Variants in CADM2 observed in about 807,000 individuals in gnomAD.
CADM2 encodes cell adhesion molecule 2.
CADM2 carries 12 observed loss-of-function variants against 49.8 expected under a neutral mutation model. The ratio of observed to expected loss-of-function variants is 0.24; its 90% CI spans 0.15 to 0.39. The LOEUF is 0.39. CADM2 is among the 10% of genes least tolerant of loss of function. The pLI, the probability that CADM2 is intolerant of heterozygous loss-of-function variation, is 1.00. For missense variants in CADM2, 378 were observed against 492.3 expected, an observed-to-expected ratio of 0.77 and a Z score of 2.20; for synonymous variants, 214 against 175.4, an observed-to-expected ratio of 1.22 and a Z score of -1.74.
At chr3:85,303,142 T>C (rs1465903743) in intron 1 of CADM2, among the ~76,000 whole-genome samples, 1 of 151,978 alleles carries the variant, frequency 6.6e-6, no homozygotes, top group Non-Finnish European at 1.5e-5. Context: ...GTAGTATTAA[T>C]TGTGTGCTGC....
chr3:85,262,487 C>A (rs982656304), intron 1 of CADM2, among the ~76,000 whole-genome samples: 2 of 151,934 alleles, frequency 1.3e-5, no homozygotes, highest in African/African-American at 2.4e-5. Flanking sequence ...TTGATTATAT[C>A]TTCTTGAAAA....
intron 1 of CADM2, among the ~76,000 whole-genome samples, chr3:85,385,302 T>C (rs1298963088): frequency 1.3e-5 from 2 of 152,106 alleles, no homozygotes; most frequent in Non-Finnish European, 1.5e-5. Flanking sequence ...GAAACAATGA[T>C]ATGCTGAATT....
chr3:85,210,487 T>A (rs2107766553), intron 1 of CADM2, among the ~76,000 whole-genome samples: 1 of 152,248 alleles, frequency 6.6e-6, no homozygotes, highest in East Asian at 1.9e-4. Flanking sequence ...TGGTATGTAC[T>A]GGCCTTGTTG....
intron 1 of CADM2, among the ~76,000 whole-genome samples, chr3:85,422,403 G>T (rs1219614767): frequency 6.6e-6 from 1 of 151,864 alleles, no homozygotes; most frequent in Non-Finnish European, 1.5e-5. Flanking sequence ...TCAGCTTCCC[G>T]AGTAGCTGGG....
chr3:85,578,016 C>CTTCCTTCCTTCCTTCCTTCCTTCCTTCA, intron 1 of CADM2, among the ~76,000 whole-genome samples: 1 of 150,288 alleles, frequency 6.7e-6, no homozygotes, highest in East Asian at 1.9e-4. Context: ...TCCTTCCTTC[C>CTTCCTTCCTTCCTTCCTTCCTTCCTTCA]TTCCTTCCTT....
At chr3:85,067,309 G>C (rs62250627) in intron 1 of CADM2, among the ~76,000 whole-genome samples, 1 of 151,756 alleles carries the variant, frequency 6.6e-6, no homozygotes, top group Non-Finnish European at 1.5e-5. Flanking sequence ...GTGTGTGTGT[G>C]GTTTTGTTAT....
intron 2 of CADM2, among the ~76,000 whole-genome samples, chr3:85,764,195 T>C (rs951497680): frequency 6.6e-6 from 1 of 152,090 alleles, no homozygotes; most frequent in Admixed American, 6.6e-5. Context: ...ATTTTATAAA[T>C]ATAAAACATT....
chr3:85,523,678 G>A (rs1225836066), intron 1 of CADM2, among the ~76,000 whole-genome samples: 2 of 151,792 alleles, frequency 1.3e-5, no homozygotes, highest in East Asian at 1.9e-4. Context: ...TCATTATATA[G>A]GAAACTGATT....
chr3:85,039,103 G>T (rs531631273), intron 1 of CADM2, among the ~76,000 whole-genome samples: 35 of 152,288 alleles, frequency 2.3e-4, no homozygotes, highest in Admixed American at 5.9e-4. Flanking sequence ...CTCGGTTCAA[G>T]CGATTCTCCT....
chr3:85,504,416 G>T (rs1029567474), intron 1 of CADM2, among the ~76,000 whole-genome samples: 2 of 152,320 alleles, frequency 1.3e-5, no homozygotes, highest in South Asian at 4.1e-4. Flanking sequence ...CCACACTGCG[G>T]AAGGGGACCG....
chr3:85,245,335 A>AC (rs570817532), intron 1 of CADM2, among the ~76,000 whole-genome samples: 133 of 151,910 alleles, frequency 8.8e-4, no homozygotes, highest in African/African-American at 3.2e-3. Context: ...ACACGGTGAA[A>AC]CCCCGTCTCT....
intron 1 of CADM2, among the ~76,000 whole-genome samples, chr3:85,466,165 G>A (rs192965336): frequency 6.6e-6 from 1 of 152,200 alleles, no homozygotes; most frequent in East Asian, 1.9e-4. Context: ...AGCAGAAGCA[G>A]GTAGCAGTAG....
intron 1 of CADM2, among the ~76,000 whole-genome samples, chr3:85,642,392 T>A (rs1012573276): frequency 6.6e-6 from 1 of 152,054 alleles, no homozygotes; most frequent in Non-Finnish European, 1.5e-5. Flanking sequence ...AAGTATTTTA[T>A]GGAGAAAATA....
intron 1 of CADM2, among the ~76,000 whole-genome samples, chr3:85,369,475 A>C (rs1354565863): frequency 2.0e-5 from 3 of 152,132 alleles, no homozygotes; most frequent in Non-Finnish European, 4.4e-5. Flanking sequence ...TCTACTGAAA[A>C]TACAAAATTT....
chr3:85,619,614 A>G (rs2107483259), intron 1 of CADM2, among the ~76,000 whole-genome samples: 1 of 152,252 alleles, frequency 6.6e-6, no homozygotes, highest in East Asian at 1.9e-4. Flanking sequence ...CTGACCAATT[A>G]GTGTTATTTT....
chr3:85,637,280 A>G (rs146549322), intron 1 of CADM2, among the ~76,000 whole-genome samples: 2,467 of 152,264 alleles, frequency 0.016, 33 homozygotes, highest in Non-Finnish European at 0.025. Context: ...ATGTTCTAGA[A>G]CGTCTTGAAA....
chr3:85,784,521 T>C (rs1216777086), intron 2 of CADM2, among the ~76,000 whole-genome samples: 1 of 139,650 alleles, frequency 7.2e-6, no homozygotes, highest in East Asian at 2.1e-4. Flanking sequence ...GAAAGAGATC[T>C]AAATATATTT....
At chr3:85,943,097 AT>A (rs1315264713) in intron 7 of CADM2, among the ~76,000 whole-genome samples, 8 of 151,790 alleles carry the variant, frequency 5.3e-5, no homozygotes, top group African/African-American at 1.9e-4. Context: ...GAAGATGAAC[AT>A]TTTTTCATGT....
At chr3:85,945,419 C>T (rs998833524) in intron 7 of CADM2, among the ~76,000 whole-genome samples, 6 of 152,200 alleles carry the variant, frequency 3.9e-5, no homozygotes, top group Non-Finnish European at 5.9e-5. Flanking sequence ...TCCTCCCCAA[C>T]TCGTTTTATG....
Sources: gnomAD v4.1 joint callset for allele counts (sites outside exome capture counted in the v4.1 genomes callset) on GRCh38, gnomAD v4.1.1 for gene constraint, MANE v1.5 for transcripts, NCBI Gene and HGNC (gene_info 2026-07-23, HGNC 2026-07-21) for gene names.